Variants in TLR6 observed in about 807,000 individuals in gnomAD.
TLR6 encodes toll like receptor 6.
TLR6 carries 9 observed loss-of-function variants against 16.1 expected under a neutral mutation model. The observed-to-expected ratio is 0.56, with a 90% CI of 0.34 to 0.98. TLR6 has a LOEUF of 0.98. Among genes scored for constraint, TLR6 ranks in the 50% least tolerant of loss-of-function variants. TLR6 has a pLI of 0.02. For synonymous variants in TLR6, 340 were observed against 338.6 expected (o/e 1.00, Z -0.04); for missense variants, 786 against 921.0 (o/e 0.85, Z 1.90).
At chr4:38,859,941 A>T (rs1320617051), upstream of TLR6, among the ~76,000 whole-genome samples, 2 of 152,048 alleles carry the variant, frequency 1.3e-5, no homozygotes, top group Non-Finnish European at 2.9e-5. Context: ...CTTAATTTTT[A>T]AAAAATAGTG....
At chr4:38,828,456 C>G (rs1442099605) in exon 2 of TLR6, 3 of 1,614,048 alleles carry the variant, frequency 1.9e-6, no homozygotes, top group Admixed American at 1.7e-5. Flanking sequence ...AAAGGTGTAT[C>G]TGAAATGGTT....
rs371627410 is a variant in TLR6 at position 38,827,392 on chromosome 4, C to T, written c.2082G>A (p.Lys694=). ...ACAAAACAAAGATGGACTTGTAACT[C>T]TTCTCAATGCAGTTGATGATATTTT... is the stretch of plus-strand genomic sequence containing the variant. The change falls in exon 2 of 2, where the codon AAG becomes AAA. Residue 694 remains lysine (K), a synonymous_variant. Coordinates refer to ENST00000436693, the Ensembl canonical transcript of TLR6. 3.1e-6 allele frequency: 5 copies of T among 1,614,212 alleles called. No homozygotes were observed. The East Asian group carries it at 8.9e-5, about 29-fold the overall frequency.
intron 1 of TLR6, among the ~76,000 whole-genome samples, chr4:38,832,453 C>G (rs770454187): frequency 2.0e-5 from 3 of 152,176 alleles, no homozygotes; most frequent in Non-Finnish European, 4.4e-5. Context: ...CCACTATGGA[C>G]TCCTGTAATC....
chr4:38,853,520 A>T (rs192783809), intron 1 of TLR6, among the ~76,000 whole-genome samples: 72 of 152,370 alleles, frequency 4.7e-4, no homozygotes, highest in African/African-American at 1.6e-3. Flanking sequence ...TCAATGTGGA[A>T]AGCCAAAGAG....
At position 38,828,968 on chromosome 4, in the gene TLR6, A is replaced by G. The variant is rs374144669; in HGVS notation, c.506T>C (p.Leu169Ser). 131 of 1,613,626 alleles carry G rather than the reference A, an allele frequency of 8.1e-5. No homozygotes were observed. Among genetic ancestry groups the G allele is most frequent in the African/African-American group, 1.3e-5 (1 of 74,942 alleles). ...ATCCAGAAGGATATAACTTAGATGC[A>G]AGTGAGCAATTGGCAGCAAATCTAA... The change falls in exon 2 of 2, where the codon TTG (leucine) becomes TCG (serine). Residue 169 changes from leucine to serine, a missense_variant. Coordinates refer to ENST00000436693, the Ensembl canonical transcript of TLR6.
chr4:38,839,441 C>A (rs1014782546), intron 1 of TLR6, among the ~76,000 whole-genome samples: 2 of 152,112 alleles, frequency 1.3e-5, no homozygotes, highest in Admixed American at 6.5e-5. Flanking sequence ...AGAAGAAGTT[C>A]TTTTATCCTT....
chr4:38,828,311 C>T (rs755164800), exon 2 of TLR6: 2 of 1,613,514 alleles, frequency 1.2e-6, no homozygotes, highest in African/African-American at 1.3e-5. Flanking sequence ...GTCTTTTAAT[C>T]CATTCTTTTG....
At chr4:38,828,662 T>C in exon 2 of TLR6, 1 of 1,614,188 alleles carries the variant, frequency 6.2e-7, no homozygotes, top group Non-Finnish European at 8.5e-7. Context: ...CCAAAGAAAT[T>C]GAAAGACTCT....
chr4:38,837,595 A>G (rs146515705), intron 1 of TLR6, among the ~76,000 whole-genome samples: 113 of 152,352 alleles, frequency 7.4e-4, no homozygotes, highest in African/African-American at 2.6e-3. Flanking sequence ...ACAAAAATCA[A>G]TTCAAAATGG....
At chr4:38,827,074 T>C in exon 2 of TLR6, 9 of 1,557,056 alleles carry the variant, frequency 5.8e-6, no homozygotes, top group Non-Finnish European at 7.8e-6. Context: ...TTGAATTTCC[T>C]AAATTTTTTT....
At chr4:38,835,492 G>A (rs1579245899) in intron 1 of TLR6, among the ~76,000 whole-genome samples, 1 of 152,170 alleles carries the variant, frequency 6.6e-6, no homozygotes, top group Non-Finnish European at 1.5e-5. Flanking sequence ...TAGATCAAAA[G>A]AGAGAGATAG....
chr4:38,853,234 G>GT (rs1360876303), intron 1 of TLR6, among the ~76,000 whole-genome samples: 1 of 121,658 alleles, frequency 8.2e-6, no homozygotes, highest in Non-Finnish European at 1.7e-5. Context: ...CTGTCGTGGG[G>GT]TGGGGGGAGG....
At chr4:38,831,167 A>G (rs960854817) in intron 1 of TLR6, among the ~76,000 whole-genome samples, 22 of 152,178 alleles carry the variant, frequency 1.4e-4, no homozygotes, top group Admixed American at 2.6e-4. Context: ...TGACCAGAAT[A>G]CAGAGCTTAG....
exon 2 of TLR6, chr4:38,829,187 A>C: frequency 6.2e-7 from 1 of 1,614,198 alleles, no homozygotes; most frequent in African/African-American, 1.3e-5. Context: ...GTTGAACTTG[A>C]AAACACTTAA....
At chr4:38,823,458 A>T (rs1727403450), downstream of TLR6, among the ~76,000 whole-genome samples, 1 of 152,190 alleles carries the variant, frequency 6.6e-6, no homozygotes, top group Admixed American at 6.5e-5. Context: ...ACGGACTGAC[A>T]CCTTTCCTCA....
chr4:38,829,590 A>G (rs1160913787), intron 1 of TLR6, 53 bp from the exon 2 acceptor site: 3 of 630,214 alleles, frequency 4.8e-6, no homozygotes, highest in Non-Finnish European at 8.2e-6. Flanking sequence ...TTACTCTCAA[A>G]CCTCCACTTA....
At chr4:38,853,423 T>C (rs975219849) in intron 1 of TLR6, among the ~76,000 whole-genome samples, 5 of 151,848 alleles carry the variant, frequency 3.3e-5, no homozygotes, top group Non-Finnish European at 5.9e-5. Flanking sequence ...CCGGAAGTTT[T>C]AACCACTGTA....
chr4:38,825,840 G>A (rs532119686), exon 2 of TLR6: 1 of 152,398 alleles, frequency 6.6e-6, no homozygotes, highest in Non-Finnish European at 1.5e-5. Context: ...GGGAGGGCAG[G>A]TTGCTATCAG....
chr4:38,833,776 G>C (rs1310866353), intron 1 of TLR6, among the ~76,000 whole-genome samples: 2 of 152,230 alleles, frequency 1.3e-5, no homozygotes, highest in East Asian at 3.9e-4. Flanking sequence ...AGTTACAAGA[G>C]AGCATAGATA....
Sources: allele counts gnomAD v4.1 joint callset (sites outside exome capture counted in the v4.1 genomes callset), GRCh38; gene constraint gnomAD v4.1.1; transcripts MANE v1.5; gene names NCBI Gene and HGNC (gene_info 2026-07-23, HGNC 2026-07-21).